Variants in PPP1R14C observed in about 807,000 individuals in gnomAD.
The protein encoded by PPP1R14C is protein phosphatase 1 regulatory inhibitor subunit 14C, also known as protein phosphatase 1 regulatory subunit 14C.
Under a neutral mutation model 20.4 loss-of-function variants are expected in PPP1R14C, and 16 were observed. The ratio of observed to expected loss-of-function variants is 0.78; its 90% confidence interval spans 0.53 to 1.19. The LOEUF (loss-of-function observed/expected upper bound fraction) is 1.19, where lower values mean the gene tolerates loss of function less well. PPP1R14C is among the 50% of genes most tolerant of loss of function. The pLI is 0.00. For missense variants in PPP1R14C, 211 were observed against 220.1 expected (o/e 0.96, Z 0.26); for synonymous variants, 91 against 91.0 (o/e 1.00, Z 0.00).
chr6:150,184,117 G>A (rs78357835), intron 1 of PPP1R14C, among the ~76,000 whole-genome samples: 2,034 of 152,272 alleles, frequency 0.013, 51 homozygotes, highest in African/African-American at 0.047. Context: ...TTAATATGTG[G>A]GTTCCTTAGC....
chr6:150,187,362 G>A (rs1214519237), intron 1 of PPP1R14C, among the ~76,000 whole-genome samples: 1 of 150,194 alleles, frequency 6.7e-6, no homozygotes, highest in Non-Finnish European at 1.5e-5. Flanking sequence ...GTAAATTTTT[G>A]TTATGGGAGT....
intron 1 of PPP1R14C, among the ~76,000 whole-genome samples, chr6:150,188,242 C>T (rs952604039): frequency 2.6e-5 from 4 of 152,144 alleles, no homozygotes; most frequent in African/African-American, 9.7e-5. Flanking sequence ...TAGTCTTCTT[C>T]TAGATTTGCT....
intron 1 of PPP1R14C, among the ~76,000 whole-genome samples, chr6:150,168,529 G>A (rs902226145): frequency 1.1e-4 from 9 of 79,472 alleles, no homozygotes; most frequent in Admixed American, 5.1e-4. Context: ...CGAGACTCCC[G>A]TCTCAACAAA....
chr6:150,201,739 C>T lies in PPP1R14C; in HGVS notation c.307-13005C>T, dbSNP rs2114898028. Among the ~76,000 whole-genome samples, 1 of 152,198 alleles carries T rather than the reference C, an allele frequency of 6.6e-6. No homozygotes were observed. Among genetic ancestry groups the T allele is most frequent in the South Asian group, 2.1e-4 (1 of 4,804 alleles). On this transcript the variant is annotated intron_variant, in intron 1 of 3. Coordinates refer to ENST00000361131, the MANE Select transcript of PPP1R14C (RefSeq NM_030949.3). The surrounding 1 kb of genome is among the most constrained non-coding windows in gnomAD (Gnocchi z 4.2). ...GTTTATGGAAGCCAGTTAAGAGGCT[C>T]CTGCTATAGCTTATGCAAAAGATGA... is the stretch of plus-strand genomic sequence containing the variant.
At chr6:150,175,223 C>T (rs1777548618) in intron 1 of PPP1R14C, among the ~76,000 whole-genome samples, 1 of 152,118 alleles carries the variant, frequency 6.6e-6, no homozygotes, top group African/African-American at 2.4e-5. Context: ...ATTTCTGGTC[C>T]CATTGTAGCG....
intron 3 of PPP1R14C, among the ~76,000 whole-genome samples, chr6:150,238,547 G>A (rs1778393291): frequency 6.6e-6 from 1 of 152,258 alleles, no homozygotes; most frequent in African/African-American, 2.4e-5. Context: ...GCCTGAACTG[G>A]CCTGACAGGG....
chr6:150,240,124 G>A (rs776914762), intron 3 of PPP1R14C, among the ~76,000 whole-genome samples: 28 of 152,092 alleles, frequency 1.8e-4, no homozygotes, highest in Non-Finnish European at 1.2e-4. Context: ...CTTTGAAAAG[G>A]TCAATACAAT....
At chr6:150,205,238 G>A (rs1414370752) in intron 1 of PPP1R14C, among the ~76,000 whole-genome samples, 2 of 151,922 alleles carry the variant, frequency 1.3e-5, no homozygotes, top group African/African-American at 2.4e-5. Flanking sequence ...CTTTGCCGCC[G>A]CCCCCAGGCA....
At chr6:150,161,057 A>T (rs1452862644) in intron 1 of PPP1R14C, among the ~76,000 whole-genome samples, 3 of 152,160 alleles carry the variant, frequency 2.0e-5, no homozygotes, top group Non-Finnish European at 4.4e-5. Flanking sequence ...AGGAGGGCAG[A>T]TCGCCTGAGG....
intron 1 of PPP1R14C, among the ~76,000 whole-genome samples, chr6:150,152,297 G>A (rs376948278): frequency 2.6e-5 from 4 of 152,314 alleles, no homozygotes; most frequent in East Asian, 1.9e-4. Flanking sequence ...AGGGTCTCTG[G>A]TTCCTGGGTT....
chr6:150,181,594 T>C (rs1777622381), intron 1 of PPP1R14C, among the ~76,000 whole-genome samples: 2 of 152,232 alleles, frequency 1.3e-5, no homozygotes, highest in Non-Finnish European at 2.9e-5. Flanking sequence ...GCACATAATG[T>C]TTTTTTAAAA....
At chr6:150,191,002 C>T (rs954652276) in intron 1 of PPP1R14C, among the ~76,000 whole-genome samples, 2 of 152,160 alleles carry the variant, frequency 1.3e-5, no homozygotes, top group African/African-American at 2.4e-5. Flanking sequence ...CCACCCTACC[C>T]ACACGGTTAC....
chr6:150,202,629 G>A (rs1279713352), intron 1 of PPP1R14C, among the ~76,000 whole-genome samples: 1 of 152,186 alleles, frequency 6.6e-6, no homozygotes, highest in Non-Finnish European at 1.5e-5. Context: ...GGTCCCCATG[G>A]TGCCCTCCCA....
intron 3 of PPP1R14C, among the ~76,000 whole-genome samples, chr6:150,230,030 T>C (rs1778275961): frequency 6.6e-6 from 1 of 152,194 alleles, no homozygotes; most frequent in Non-Finnish European, 1.5e-5. Flanking sequence ...TCATCAGTAC[T>C]GATTCAACTG....
chr6:150,237,003 G>C (rs1778369352), intron 3 of PPP1R14C, among the ~76,000 whole-genome samples: 1 of 152,284 alleles, frequency 6.6e-6, no homozygotes, highest in Admixed American at 6.5e-5. Context: ...AACACTGACA[G>C]CTTCCTCAGA....
chr6:150,216,236 C>T (rs1242692555), intron 2 of PPP1R14C, among the ~76,000 whole-genome samples: 2 of 152,196 alleles, frequency 1.3e-5, no homozygotes, highest in Non-Finnish European at 2.9e-5. Context: ...TAGCTCACGC[C>T]TGTAATCCCA....
At chr6:150,236,465 C>T (rs1384989783) in intron 3 of PPP1R14C, among the ~76,000 whole-genome samples, 1 of 152,000 alleles carries the variant, frequency 6.6e-6, no homozygotes, top group African/African-American at 2.4e-5. Flanking sequence ...AGGTAGGGGC[C>T]CAGGAGTTTA....
chr6:150,216,311 C>G (rs1343527655), intron 2 of PPP1R14C, among the ~76,000 whole-genome samples: 1 of 152,148 alleles, frequency 6.6e-6, no homozygotes, highest in African/African-American at 2.4e-5. Flanking sequence ...GCCTGGCTAA[C>G]AGGGCAAAAA....
intron 1 of PPP1R14C, among the ~76,000 whole-genome samples, chr6:150,177,570 C>T (rs1777576707): frequency 6.6e-6 from 1 of 152,216 alleles, no homozygotes; most frequent in South Asian, 2.1e-4. Flanking sequence ...CCTTTCCCCC[C>T]TCAGTCCCTC....
Sources: gnomAD v4.1 joint callset for allele counts (sites outside exome capture counted in the v4.1 genomes callset) on GRCh38, gnomAD v4.1.1 for gene constraint, Gnocchi (gnomAD v3.1) non-coding constraint, MANE v1.5 for transcripts, NCBI Gene and HGNC (gene_info 2026-07-23, HGNC 2026-07-21) for gene names.